The following APP variants were observed in gnomAD, a reference collection of about 807,000 sequenced individuals.
APP encodes the protein amyloid beta precursor protein.
APP carries 31 observed loss-of-function variants against 101.4 expected under a neutral mutation model. That is an observed-to-expected ratio of 0.31 (90% CI 0.23 to 0.41). The LOEUF is 0.41. Among genes scored for constraint, APP ranks in the 10% least tolerant of loss-of-function variants. APP has a pLI of 1.00. For synonymous variants in APP, 366 were observed against 364.4 expected, an observed-to-expected ratio of 1.00 and a Z score of -0.05; for missense variants, 839 against 1,003.7, an observed-to-expected ratio of 0.84 and a Z score of 2.22.
In APP at chr21:26,037,455, T is replaced by C. The variant is rs184195290; in HGVS notation, c.662+13545A>G. Among the ~76,000 whole-genome samples the C allele has an allele frequency of 9.1e-4, 138 of 152,320 alleles. 1 individual carries two copies. Among genetic ancestry groups the C allele is most frequent in the African/African-American group, 3.3e-3 (136 of 41,560 alleles). ...ATCTGATCACTGTGTACCCTGTAAATGTGTACAATTATTACATGTCAATTT... is the reference window on the plus strand; with the variant it reads ...ATCTGATCACTGTGTACCCTGTAAACGTGTACAATTATTACATGTCAATTT... On this transcript the variant is annotated intron_variant, in intron 5 of 17. Transcript: ENST00000346798.
chr21:26,165,438 C>T (rs1229826398), intron 1 of APP, among the ~76,000 whole-genome samples: 1 of 152,244 alleles, frequency 6.6e-6, no homozygotes, highest in East Asian at 1.9e-4. Flanking sequence ...CCCATGGTCA[C>T]TAGCTCAAAA....
chr21:25,960,947 T>C (rs1162225374), intron 11 of APP, among the ~76,000 whole-genome samples: 2 of 152,188 alleles, frequency 1.3e-5, no homozygotes, highest in African/African-American at 2.4e-5. Context: ...AAATAAATCA[T>C]ACCAAATAAA....
intron 13 of APP, among the ~76,000 whole-genome samples, chr21:25,921,221 T>A (rs907327727): frequency 1.7e-5 from 2 of 114,382 alleles, no homozygotes; most frequent in East Asian, 5.2e-4. Context: ...TGGGACGCAT[T>A]CAAAGCAGTG....
intron 16 of APP, 125 bp from the exon 17 acceptor site, chr21:25,891,993 A>G: frequency 1.0e-6 from 1 of 993,076 alleles, no homozygotes; most frequent in African/African-American, 1.6e-5. Flanking sequence ...TTATATAAAA[A>G]GTTTCAGTAT....
chr21:25,996,925 A>G (rs554704244), intron 8 of APP, among the ~76,000 whole-genome samples: 1 of 152,212 alleles, frequency 6.6e-6, no homozygotes, highest in East Asian at 1.9e-4. Context: ...AGCCTGGACC[A>G]TTTCCCCATT....
Position 25,881,668 on chromosome 21 carries a change from G to T in APP, c.*2C>A, listed in dbSNP as rs777073624. The T allele has an allele frequency of 1.2e-6, 2 of 1,613,526 alleles. No individual in the cohort carries two copies. The highest frequency in any genetic ancestry group is 1.3e-5 in the African/African-American group (1 of 74,906). ...AACTTCAGAGGCTGCTGTGGCGGGGGTCTAGTTCTGCATCTGCTCAAAGAA... is the reference window on the plus strand; with the variant it reads ...AACTTCAGAGGCTGCTGTGGCGGGGTTCTAGTTCTGCATCTGCTCAAAGAA... On this transcript the variant is annotated 3_prime_UTR_variant, in exon 18 of 18. Coordinates refer to ENST00000346798, the MANE Select transcript of APP (RefSeq NM_000484.4).
Position 26,035,050 on chromosome 21 carries a change from C to T in APP, c.663-13008G>A, listed in dbSNP as rs145600763. 2.5e-3 allele frequency among the ~76,000 whole-genome samples: 377 copies of T among 152,082 alleles called. 3 individuals are homozygous for T. The highest frequency in any genetic ancestry group is 0.01 in the Middle Eastern group (3 of 292). ...CCTGTAATTCTAGCACTCTGGGAGA[C>T]GGAGGTGGGAGGACTGCTTGAGTTC... On this transcript the variant is annotated intron_variant, in intron 5 of 17. Transcript: ENST00000346798.
chr21:25,925,446 A>C (rs933043833), intron 13 of APP, among the ~76,000 whole-genome samples: 9 of 151,970 alleles, frequency 5.9e-5, no homozygotes, highest in Non-Finnish European at 1.3e-4. Context: ...GTTCTCTGGG[A>C]GTTTGTTAGA....
chr21:26,091,959 A>G (rs8130827), intron 2 of APP, among the ~76,000 whole-genome samples: 1,715 of 152,246 alleles, frequency 0.011, 30 homozygotes, highest in African/African-American at 0.038. Context: ...TTTCACTCAC[A>G]ATTGTCCATG....
intron 13 of APP, among the ~76,000 whole-genome samples, chr21:25,939,129 C>T (rs775158711): frequency 1.3e-5 from 2 of 152,182 alleles, no homozygotes; most frequent in African/African-American, 2.4e-5. Context: ...TTGATCAAGC[C>T]ACTTAATCAC....
At chr21:25,956,978 C>A (rs2041349804) in intron 11 of APP, among the ~76,000 whole-genome samples, 1 of 152,122 alleles carries the variant, frequency 6.6e-6, no homozygotes, top group South Asian at 2.1e-4. Flanking sequence ...GGTCTTTTTT[C>A]TTTATTTGGA....
intron 11 of APP, among the ~76,000 whole-genome samples, chr21:25,967,106 A>G (rs2041825031): frequency 6.6e-6 from 1 of 152,246 alleles, no homozygotes; most frequent in Admixed American, 6.5e-5. Flanking sequence ...AATTATGTGA[A>G]GAAGTTTCCA....
chr21:26,154,318 C>G (rs1274149345), intron 1 of APP, among the ~76,000 whole-genome samples: 1 of 152,146 alleles, frequency 6.6e-6, no homozygotes, highest in Non-Finnish European at 1.5e-5. Flanking sequence ...ACAGGTCCAT[C>G]TCTCCCCTTC....
intron 1 of APP, among the ~76,000 whole-genome samples, chr21:26,122,039 T>C (rs1211050035): frequency 2.0e-5 from 3 of 152,212 alleles, no homozygotes; most frequent in Non-Finnish European, 4.4e-5. Context: ...GCCATACTGA[T>C]AAATCTGCAT....
At chr21:26,023,944 T>C (rs1341775015) in intron 5 of APP, among the ~76,000 whole-genome samples, 1 of 152,218 alleles carries the variant, frequency 6.6e-6, no homozygotes, top group African/African-American at 2.4e-5. Flanking sequence ...ATATTTATGG[T>C]ATTAAACATT....
chr21:25,928,125 A>G (rs1204175140), intron 13 of APP, among the ~76,000 whole-genome samples: 1 of 151,950 alleles, frequency 6.6e-6, no homozygotes, highest in African/African-American at 2.4e-5. Flanking sequence ...TGGGCGGTTC[A>G]CGAGGTCAGG....
chr21:26,084,964 T>C (rs1230094410), intron 3 of APP, among the ~76,000 whole-genome samples: 4 of 152,214 alleles, frequency 2.6e-5, no homozygotes, highest in Admixed American at 2.6e-4. Context: ...TGGTACTACA[T>C]ACAAATACAA....
At chr21:26,064,628 G>A (rs370683550) in intron 3 of APP, among the ~76,000 whole-genome samples, 12 of 152,166 alleles carry the variant, frequency 7.9e-5, no homozygotes, top group Admixed American at 5.9e-4. Context: ...AACCGCAGCC[G>A]CTTGCAAAAG....
chr21:25,982,850 G>GAT (rs2042488327), intron 8 of APP, among the ~76,000 whole-genome samples: 1 of 152,188 alleles, frequency 6.6e-6, no homozygotes, highest in Non-Finnish European at 1.5e-5. Context: ...AGTAAATGAT[G>GAT]ATATCATCAA....
Sources: gnomAD v4.1 joint callset for allele counts (sites outside exome capture counted in the v4.1 genomes callset) on GRCh38, gnomAD v4.1.1 for gene constraint, MANE v1.5 for transcripts, NCBI Gene and HGNC (gene_info 2026-07-23, HGNC 2026-07-21) for gene names.